BEND6: variants seen among roughly 807,000 people sequenced by gnomAD.
The protein encoded by BEND6 is BEN domain containing 6, also known as BEN domain-containing protein 6.
Under a neutral mutation model 31.8 loss-of-function variants are expected in BEND6, and 24 were observed. The observed-to-expected ratio is 0.75, with a 90% confidence interval of 0.55 to 1.06. BEND6 has a LOEUF of 1.06. BEND6 is among the 50% of genes least tolerant of loss of function. The pLI, the probability that BEND6 is intolerant of heterozygous loss-of-function variation, is 0.00. For missense variants in BEND6, 294 were observed against 327.4 expected, an observed-to-expected ratio of 0.90 and a Z score of 0.79; for synonymous variants, 109 against 114.6, an observed-to-expected ratio of 0.95 and a Z score of 0.31.
chr6:56,959,477 T>C (rs1825213954), intron 1 of BEND6, among the ~76,000 whole-genome samples: 1 of 152,220 alleles, frequency 6.6e-6, no homozygotes, highest in Non-Finnish European at 1.5e-5. Context: ...TAGCAATAAA[T>C]TATTAGAAAT....
chr6:56,976,618 G>A lies in BEND6; in HGVS notation c.-100-5093G>A, dbSNP rs145912809. Among the ~76,000 whole-genome samples the A allele has an allele frequency of 5.1e-3, 774 of 152,270 alleles. 6 individuals are homozygous for A. Among genetic ancestry groups the A allele is most frequent in the Non-Finnish European group, 7.5e-3 (513 of 68,018 alleles). The stretch of plus-strand genomic sequence containing the variant: ...CTTGCTCTGTCACTCAGGCTGGAGT[G>A]CAGTGGCTCAATCTTGGCTCATTGC... On this transcript the variant is annotated intron_variant, in intron 1 of 6. Transcript: ENST00000370746.
chr6:56,988,605 G>A (rs1164448321), intron 2 of BEND6, among the ~76,000 whole-genome samples: 1 of 152,034 alleles, frequency 6.6e-6, no homozygotes, highest in Non-Finnish European at 1.5e-5. Flanking sequence ...CAATAAAGCT[G>A]CTGCCCATCC....
At chr6:56,973,655 A>G (rs1290773977) in intron 1 of BEND6, among the ~76,000 whole-genome samples, 1 of 152,232 alleles carries the variant, frequency 6.6e-6, no homozygotes, top group Non-Finnish European at 1.5e-5. Context: ...TAGTGTATAC[A>G]GTGTGGATAC....
intron 2 of BEND6, among the ~76,000 whole-genome samples, chr6:56,986,604 T>C (rs1280090844): frequency 6.6e-6 from 1 of 152,208 alleles, no homozygotes; most frequent in Middle Eastern, 3.2e-3. Flanking sequence ...ACTTGTTTAT[T>C]CATTTTCTAG....
chr6:57,008,188 C>CAG, intron 3 of BEND6: 1 of 702,900 alleles, frequency 1.4e-6, no homozygotes, highest in African/African-American at 1.7e-5. Context: ...CAGCTTGGTC[C>CAG]AGAGAGCTGC....
chr6:57,015,395 T>A, intron 4 of BEND6, 42 bp downstream of exon 4: 1 of 1,508,200 alleles, frequency 6.6e-7, no homozygotes, highest in Non-Finnish European at 9.1e-7. Flanking sequence ...GGAATATGCT[T>A]AAATAAAAAA....
chr6:57,023,571 C>T (rs1174725234), intron 6 of BEND6, among the ~76,000 whole-genome samples: 4 of 152,174 alleles, frequency 2.6e-5, no homozygotes, highest in Admixed American at 6.5e-5. Flanking sequence ...TTGCATTCAG[C>T]CATCCTATAC....
intron 4 of BEND6, among the ~76,000 whole-genome samples, chr6:57,015,701 AG>A (rs1206740804): frequency 6.7e-6 from 1 of 150,338 alleles, no homozygotes; most frequent in Non-Finnish European, 1.5e-5. Flanking sequence ...GCTACTTGGG[AG>A]GCTGAGGCAG....
chr6:57,019,912 G>T lies in BEND6; in HGVS notation c.*9+1355G>T, dbSNP rs192526510. On this transcript the variant is annotated intron_variant, in intron 6 of 6. Transcript: ENST00000370746. ...GTTCGAGACCAGCCTGGCCAACATG[G>T]CAAGACCCCATCTTTATAAAATACG... Among the ~76,000 whole-genome samples the T allele has an allele frequency of 4.0e-4, 61 of 152,194 alleles. No homozygotes were observed. The East Asian group carries it at 0.011, about 27-fold the overall frequency.
chr6:56,970,478 A>G (rs938204695), intron 1 of BEND6, among the ~76,000 whole-genome samples: 4 of 152,126 alleles, frequency 2.6e-5, no homozygotes, highest in African/African-American at 9.7e-5. Flanking sequence ...CACTGCCCCA[A>G]CCACATATTG....
chr6:57,013,133 G>A (rs995315592), intron 3 of BEND6, among the ~76,000 whole-genome samples: 1 of 152,158 alleles, frequency 6.6e-6, no homozygotes, highest in Non-Finnish European at 1.5e-5. Flanking sequence ...AAACCAAACT[G>A]CAAAGTTAAG....
In BEND6 at chr6:57,008,289, GTC is replaced by G. The variant is rs1827231027; in HGVS notation, c.299-6840_299-6839del. ...GTCCTGGTGCTAGGAATCAAAGACT[GTC>G]TCTATTATTTTGGCTTGCTCCAGGT... is the stretch of plus-strand genomic sequence containing the variant. On this transcript the variant is annotated intron_variant, in intron 3 of 6. Transcript: ENST00000370746. The G allele has an allele frequency of 1.1e-4, 76 of 700,998 alleles. 1 individual carries two copies. The South Asian group carries it at 1.1e-3, about 10-fold the overall frequency. The allele number at this position is 700,998 out of a possible 1,614,324, so 43.4% of individuals were successfully genotyped here.
intron 2 of BEND6, among the ~76,000 whole-genome samples, chr6:56,985,590 A>G (rs1826234821): frequency 6.6e-6 from 1 of 152,184 alleles, no homozygotes; most frequent in South Asian, 2.1e-4. Flanking sequence ...TCCTGCTCAT[A>G]TCCTATTGGA....
At position 57,015,187 on chromosome 6, in the gene BEND6, T is replaced by C; in HGVS notation, c.353T>C (p.Leu118Pro). The C allele has an allele frequency of 6.2e-7, 1 of 1,614,202 alleles. No homozygotes were observed. The highest frequency in any genetic ancestry group is 8.5e-7 in the Non-Finnish European group (1 of 1,180,034). ...GAATTGGTTGGTATGGCCGAGGCTC[T>C]GCTTAAGGGTGGGGGAACCATGTCT... ...FEELVGMAEALLKGGGTMSTS... is the reference protein window; with the variant it reads ...FEELVGMAEAPLKGGGTMSTS... Residue 118 changes from leucine (L) to proline (P), a missense_variant, in exon 4 of 7, where the codon CTG becomes CCG. Physicochemically the swap from Leu to Pro is moderately conservative, Grantham distance 98 (BLOSUM62 -3). Transcript: ENST00000370746.
At chr6:56,955,574 C>G (rs1824727004) in intron 1 of BEND6, 114 bp downstream of exon 1, 1 of 152,238 alleles carries the variant, frequency 6.6e-6, no homozygotes, top group Non-Finnish European at 1.5e-5. Flanking sequence ...CTCCAAGCCT[C>G]TCTAAACTAG....
intron 2 of BEND6, among the ~76,000 whole-genome samples, chr6:56,983,375 C>T (rs976399859): frequency 7.9e-5 from 12 of 152,164 alleles, no homozygotes; most frequent in Non-Finnish European, 1.3e-4. Context: ...CTATGGTCCT[C>T]GTGTGCTACG....
At chr6:56,983,429 AT>A (rs1223879035) in intron 2 of BEND6, among the ~76,000 whole-genome samples, 1 of 152,100 alleles carries the variant, frequency 6.6e-6, no homozygotes. Flanking sequence ...GCTACTTCAT[AT>A]CCTCTGACTT....
intron 1 of BEND6, among the ~76,000 whole-genome samples, chr6:56,968,097 AAATT>A (rs1435937233): frequency 6.6e-6 from 1 of 152,182 alleles, no homozygotes; most frequent in African/African-American, 2.4e-5. Context: ...ATAGGGAACT[AAATT>A]AATTTCTTTT....
chr6:57,015,551 A>G (rs1827522822), intron 4 of BEND6, among the ~76,000 whole-genome samples, 198 bp downstream of exon 4: 1 of 151,960 alleles, frequency 6.6e-6, no homozygotes, highest in African/African-American at 2.4e-5. Flanking sequence ...CTGTAATCCC[A>G]GCACTTTGGG....
Sources: allele counts gnomAD v4.1 joint callset (sites outside exome capture counted in the v4.1 genomes callset), GRCh38; gene constraint gnomAD v4.1.1; transcripts MANE v1.5; gene names NCBI Gene and HGNC (gene_info 2026-07-23, HGNC 2026-07-21).